Variants in GALK2 observed in about 807,000 individuals in gnomAD.
The protein encoded by GALK2 is N-acetylgalactosamine kinase.
In GALK2, 36 loss-of-function variants were observed where a neutral mutation model predicts 52.4. The ratio of observed to expected loss-of-function variants is 0.69; its 90% CI spans 0.53 to 0.91. GALK2 has a LOEUF of 0.91. Among genes scored for constraint, GALK2 ranks in the 40% least tolerant of loss-of-function variants. The probability of loss-of-function intolerance (pLI) is 0.00; values close to 1 mark genes in which losing one functional copy is unlikely to be tolerated. For missense variants in GALK2, 579 were observed against 559.1 expected, an observed-to-expected ratio of 1.04 and a Z score of -0.36; for synonymous variants, 176 against 199.1, an observed-to-expected ratio of 0.88 and a Z score of 0.98.
chr15:49,301,077 T>G (rs755990986), intron 8 of GALK2, among the ~76,000 whole-genome samples: 1 of 152,174 alleles, frequency 6.6e-6, no homozygotes, highest in Non-Finnish European at 1.5e-5. Flanking sequence ...TTACAAAACT[T>G]GTTTGTCTGG....
chr15:49,262,390 T>G (rs1221535358), intron 5 of GALK2, among the ~76,000 whole-genome samples: 1 of 152,194 alleles, frequency 6.6e-6, no homozygotes, highest in East Asian at 1.9e-4. Flanking sequence ...TGGTAGTTTG[T>G]ATTTCTGTGG....
At chr15:49,240,723 C>T (rs537531345) in intron 5 of GALK2, among the ~76,000 whole-genome samples, 1 of 152,124 alleles carries the variant, frequency 6.6e-6, no homozygotes, top group Non-Finnish European at 1.5e-5. Flanking sequence ...AAAAAAATGT[C>T]TCAATATGGT....
intron 5 of GALK2, among the ~76,000 whole-genome samples, chr15:49,246,856 G>T (rs893847882): frequency 3.3e-5 from 5 of 152,264 alleles, no homozygotes; most frequent in Non-Finnish European, 7.4e-5. Context: ...AGTGGCATTT[G>T]TTGAATACCT....
intron 1 of GALK2, among the ~76,000 whole-genome samples, chr15:49,164,647 G>A (rs1380467924): frequency 3.3e-5 from 5 of 151,766 alleles, no homozygotes; most frequent in African/African-American, 1.2e-4. Context: ...CGAGCGTGGT[G>A]GCGCATGCCT....
At chr15:49,233,163 A>G (rs537589448) in intron 3 of GALK2, among the ~76,000 whole-genome samples, 23 of 152,342 alleles carry the variant, frequency 1.5e-4, no homozygotes, top group African/African-American at 5.1e-4. Context: ...GTGTACAGGA[A>G]GCATGGCTAG....
Position 49,319,624 on chromosome 15 carries a change from C to A in GALK2, c.988C>A (p.Gln330Lys). ...TQDVLIFKLY[Q>K]RAKHVYSEAA... The stretch of plus-strand genomic sequence containing the variant: ...CTCAGTGCTCATCTTCAAACTCTAT[C>A]AGCGGGCAAAGCATGTGTACAGCGA... The change falls in exon 9 of 10, where the codon CAG (glutamine) becomes AAG (lysine). Residue 330 changes from glutamine (Q) to lysine (K), a missense_variant. By Grantham distance (53) the Gln-to-Lys change is moderately conservative (BLOSUM62 1). Transcript: ENST00000560031. 1.2e-6 allele frequency: 2 copies of A among 1,614,162 alleles called. No homozygotes were observed. Among genetic ancestry groups the A allele is most frequent in the Non-Finnish European group, 1.7e-6 (2 of 1,180,020 alleles).
intron 3 of GALK2, chr15:49,366,431 T>C: frequency 1.1e-6 from 1 of 894,322 alleles, no homozygotes; most frequent in Non-Finnish European, 1.9e-6. Flanking sequence ...AACTGCTTTG[T>C]TCTTTATGTC....
intron 1 of GALK2, chr15:49,158,840 T>G (rs927762854): frequency 2.0e-5 from 3 of 152,250 alleles, no homozygotes; most frequent in Admixed American, 1.3e-4. Context: ...GTTGTTTATA[T>G]TTAGAGACAA....
At chr15:49,347,014 T>C (rs547234230) in intron 3 of GALK2, among the ~76,000 whole-genome samples, 22 of 152,320 alleles carry the variant, frequency 1.4e-4, no homozygotes, top group African/African-American at 4.6e-4. Context: ...ACTTACTCTA[T>C]AGGAAATAAC....
At chr15:49,278,112 T>A (rs2032136277) in intron 5 of GALK2, among the ~76,000 whole-genome samples, 2 of 151,802 alleles carry the variant, frequency 1.3e-5, no homozygotes, top group Admixed American at 1.3e-4. Flanking sequence ...AATACAAAAA[T>A]TAGCCTGGCG....
chr15:49,314,393 A>G (rs1270133346), intron 8 of GALK2, among the ~76,000 whole-genome samples: 1 of 152,202 alleles, frequency 6.6e-6, no homozygotes, highest in Non-Finnish European at 1.5e-5. Flanking sequence ...TGGGCACTGA[A>G]GTTTACTAAT....
intron 1 of GALK2, among the ~76,000 whole-genome samples, chr15:49,173,558 G>A (rs1010913631): frequency 1.3e-5 from 2 of 151,950 alleles, no homozygotes; most frequent in African/African-American, 4.8e-5. Flanking sequence ...CTTCTTAGAA[G>A]TTATTCATTT....
chr15:49,277,162 T>A, intron 5 of GALK2, among the ~76,000 whole-genome samples: 1 of 17,420 alleles, frequency 5.7e-5, no homozygotes, highest in African/African-American at 2.5e-4. Context: ...TTTTTTTTTT[T>A]TTTTTTTTTT....
At chr15:49,305,197 A>T (rs907486141) in intron 8 of GALK2, among the ~76,000 whole-genome samples, 1 of 152,174 alleles carries the variant, frequency 6.6e-6, no homozygotes, top group African/African-American at 2.4e-5. Context: ...CTGTGGATGG[A>T]TCTAGTGCCT....
chr15:49,247,615 G>T (rs1461190790), intron 5 of GALK2, among the ~76,000 whole-genome samples: 5 of 152,156 alleles, frequency 3.3e-5, no homozygotes, highest in Non-Finnish European at 7.3e-5. Context: ...TGTCTCCTTG[G>T]TGAAGTTAAA....
intron 5 of GALK2, among the ~76,000 whole-genome samples, chr15:49,243,344 T>C (rs1233375599): frequency 6.6e-6 from 1 of 152,138 alleles, no homozygotes; most frequent in Non-Finnish European, 1.5e-5. Context: ...AATGAAATTC[T>C]TAGCTCCATT....
rs1428401040 is a variant in GALK2 at position 49,282,033 on chromosome 15, C to T, written c.551C>T (p.Thr184Ile). 12 of 1,613,612 alleles carry T rather than the reference C, an allele frequency of 7.4e-6. No individual in the cohort carries two copies. The highest frequency in any genetic ancestry group is 8.5e-6 in the Non-Finnish European group (10 of 1,179,780). The change falls in exon 6 of 10, where the codon ACT becomes ATT. Residue 184 changes from threonine to isoleucine, a missense_variant. Coordinates refer to ENST00000560031, the MANE Select transcript of GALK2 (RefSeq NM_002044.4). ...ICAKSERYIG[T>I]EGGGMDQSIS... ...GCCAAGAGTGAGCGTTACATTGGCACTGAAGGAGGAGGCATGGACCAGTCT... is the reference window on the plus strand; with the variant it reads ...GCCAAGAGTGAGCGTTACATTGGCATTGAAGGAGGAGGCATGGACCAGTCT...
Position 49,217,249 on chromosome 15 carries a change from C to G in GALK2, c.202C>G (p.Leu68Val). The G allele has an allele frequency of 1.2e-6, 2 of 1,612,642 alleles. No homozygotes were observed. Among genetic ancestry groups the G allele is most frequent in the Non-Finnish European group, 8.5e-7 (1 of 1,178,710 alleles). The change falls in exon 3 of 10, where the codon CTA (leucine) becomes GTA (valine). Residue 68 changes from leucine to valine, a missense_variant. Coordinates refer to ENST00000560031, the MANE Select transcript of GALK2 (RefSeq NM_002044.4). ...TCCTATGGCTGTAGAACAAGATGTG[C>G]TAATAGCTGTAGAACCTGTGAAAAC... ...VLPMAVEQDVLIAVEPVKTYA... is the reference protein window; with the variant it reads ...VLPMAVEQDVVIAVEPVKTYA...
At chr15:49,332,694 C>T (rs144549177), downstream of GALK2, among the ~76,000 whole-genome samples, 257 of 152,332 alleles carry the variant, frequency 1.7e-3, no homozygotes, top group African/African-American at 6.1e-3. Flanking sequence ...TATTTAAAAA[C>T]TATTTTTCCA....
Sources: allele counts gnomAD v4.1 joint callset (sites outside exome capture counted in the v4.1 genomes callset), GRCh38; gene constraint gnomAD v4.1.1; transcripts MANE v1.5; gene names NCBI Gene and HGNC (gene_info 2026-07-23, HGNC 2026-07-21).